PCDH7: variants seen among roughly 807,000 people sequenced by gnomAD.
PCDH7 encodes protocadherin-7.
In PCDH7, 17 loss-of-function variants were observed where a neutral mutation model predicts 58.9. The ratio of observed to expected loss-of-function variants is 0.29; its 90% confidence interval spans 0.20 to 0.43. PCDH7 has a LOEUF of 0.43. Ranked by LOEUF, PCDH7 falls within the 20% of genes least tolerant of loss-of-function variation. The pLI is 1.00. For synonymous variants in PCDH7, 664 were observed against 616.4 expected, an observed-to-expected ratio of 1.08 and a Z score of -1.14; for missense variants, 1,274 against 1,441.0, an observed-to-expected ratio of 0.88 and a Z score of 1.88.
intron 1 of PCDH7, among the ~76,000 whole-genome samples, chr4:30,842,131 C>T (rs1406410145): frequency 6.6e-6 from 1 of 152,112 alleles, no homozygotes; most frequent in African/African-American, 2.4e-5. Flanking sequence ...TCCACCTCTG[C>T]TCTTAGTATC....
intron 3 of PCDH7, among the ~76,000 whole-genome samples, chr4:31,010,270 T>C (rs1019839644): frequency 9.2e-5 from 14 of 151,988 alleles, no homozygotes; most frequent in Admixed American, 9.2e-4. Flanking sequence ...AGCTAGAAAC[T>C]TAATGAAAAT....
chr4:30,740,056 G>C (rs1244512371), intron 1 of PCDH7, among the ~76,000 whole-genome samples: 3 of 152,114 alleles, frequency 2.0e-5, no homozygotes, highest in Admixed American at 6.5e-5. Context: ...TTCATTTTTA[G>C]TTTTCGAAGC....
chr4:31,066,532 A>T, intron 3 of PCDH7, among the ~76,000 whole-genome samples: 1 of 151,864 alleles, frequency 6.6e-6, no homozygotes, highest in East Asian at 1.9e-4. Flanking sequence ...AGCCAACCTC[A>T]CTGACCAAAG....
intron 3 of PCDH7, among the ~76,000 whole-genome samples, chr4:30,959,553 G>A (rs1443911206): frequency 6.6e-6 from 1 of 152,198 alleles, no homozygotes; most frequent in Non-Finnish European, 1.5e-5. Context: ...ACTATAGTTT[G>A]CACAGAAGTA....
chr4:30,971,836 C>G (rs150733649), intron 3 of PCDH7, among the ~76,000 whole-genome samples: 1 of 152,086 alleles, frequency 6.6e-6, no homozygotes, highest in African/African-American at 2.4e-5. Context: ...GTGGCACATG[C>G]CTGTGGGGGC....
At chr4:31,094,309 A>G (rs1713657392) in intron 3 of PCDH7, among the ~76,000 whole-genome samples, 1 of 152,170 alleles carries the variant, frequency 6.6e-6, no homozygotes, top group Non-Finnish European at 1.5e-5. Context: ...CAGACGTCCT[A>G]GTAGAAAGCT....
intron 1 of PCDH7, among the ~76,000 whole-genome samples, chr4:30,864,659 T>G (rs887979924): frequency 7.9e-5 from 12 of 152,084 alleles, no homozygotes; most frequent in African/African-American, 2.9e-4. Context: ...GGTCCTATAC[T>G]GTGAATGAAA....
intron 3 of PCDH7, among the ~76,000 whole-genome samples, chr4:31,059,848 TTTA>T (rs1757543815): frequency 6.6e-6 from 1 of 151,776 alleles, no homozygotes; most frequent in Non-Finnish European, 1.5e-5. Flanking sequence ...AAAGTATTCT[TTTA>T]TTACCTGTAT....
At chr4:31,100,300 C>A (rs1284616719) in intron 3 of PCDH7, among the ~76,000 whole-genome samples, 1 of 151,998 alleles carries the variant, frequency 6.6e-6, no homozygotes, top group African/African-American at 2.4e-5. Context: ...TGGAGAAAAC[C>A]AGTGAGAGAT....
intron 1 of PCDH7, among the ~76,000 whole-genome samples, chr4:30,883,284 G>A (rs1737244273): frequency 6.6e-6 from 1 of 152,184 alleles, no homozygotes; most frequent in African/African-American, 2.4e-5. Context: ...GTTAGTGATG[G>A]TATAACCATT....
intron 3 of PCDH7, among the ~76,000 whole-genome samples, chr4:31,008,201 G>A (rs1431032413): frequency 6.6e-6 from 1 of 152,042 alleles, no homozygotes; most frequent in African/African-American, 2.4e-5. Flanking sequence ...CCAGAGAGGT[G>A]CCAACATTTT....
chr4:30,725,585 C>T (rs1714500218), intron 1 of PCDH7, among the ~76,000 whole-genome samples: 1 of 152,008 alleles, frequency 6.6e-6, no homozygotes, highest in African/African-American at 2.4e-5. Context: ...GTATATCTAC[C>T]AAAGTTTGCC....
chr4:30,950,689 T>G (rs1184560330), intron 3 of PCDH7, among the ~76,000 whole-genome samples: 1 of 152,184 alleles, frequency 6.6e-6, no homozygotes, highest in African/African-American at 2.4e-5. Flanking sequence ...GAAAATTAGG[T>G]ATAAGCTAGT....
At chr4:30,815,915 C>CTAAT (rs1381511069) in intron 1 of PCDH7, among the ~76,000 whole-genome samples, 2 of 152,170 alleles carry the variant, frequency 1.3e-5, no homozygotes, top group African/African-American at 4.8e-5. Context: ...TCCTGCCCTG[C>CTAAT]TAATGTCTGC....
chr4:31,071,032 T>TA (rs1250814270), intron 3 of PCDH7, among the ~76,000 whole-genome samples: 1 of 152,070 alleles, frequency 6.6e-6, no homozygotes, highest in Non-Finnish European at 1.5e-5. Context: ...GAAAAAAGCT[T>TA]AATTCTGCCA....
chr4:31,125,970 A>C (rs965268912), intron 3 of PCDH7, among the ~76,000 whole-genome samples: 1 of 152,170 alleles, frequency 6.6e-6, no homozygotes. Flanking sequence ...CAGGTCTGGC[A>C]TCAGACTACT....
intron 1 of PCDH7, among the ~76,000 whole-genome samples, chr4:30,824,136 T>A (rs938058549): frequency 6.7e-6 from 1 of 148,864 alleles, no homozygotes; most frequent in Non-Finnish European, 1.5e-5. Flanking sequence ...TCTTTCTTTC[T>A]TTCTTTCTTT....
At chr4:30,991,360 C>T (rs1044240950) in intron 3 of PCDH7, among the ~76,000 whole-genome samples, 1 of 152,170 alleles carries the variant, frequency 6.6e-6, no homozygotes, top group Non-Finnish European at 1.5e-5. Context: ...AACAGTTCAT[C>T]TTCCTCCAAA....
In PCDH7 at chr4:30,858,682, G is replaced by A. The variant is rs1373628317; in HGVS notation, c.71-61471G>A. ...GAGAGTCTGTTGGTAGGCAAGAGTA[G>A]CAAAAGCCTGTGTATACATAAGCAG... On this transcript the variant is annotated intron_variant, in intron 1 of 3. Coordinates refer to the PCDH7 transcript ENST00000509759. 2.6e-5 allele frequency among the ~76,000 whole-genome samples: 4 copies of A among 152,268 alleles called. No individual in the cohort carries two copies. In the East Asian group the frequency reaches 5.8e-4, roughly 22 times the overall value.
Sources: gnomAD v4.1 joint callset for allele counts (sites outside exome capture counted in the v4.1 genomes callset) on GRCh38, gnomAD v4.1.1 for gene constraint, MANE v1.5 for transcripts, NCBI Gene and HGNC (gene_info 2026-07-23, HGNC 2026-07-21) for gene names.